The following CNTN4 variants were observed in gnomAD, a reference collection of about 807,000 sequenced individuals.
CNTN4 encodes the protein contactin-4.
A neutral mutation model predicts 122.5 loss-of-function variants in CNTN4; 77 were observed. The ratio of observed to expected loss-of-function variants is 0.63; its 90% CI spans 0.52 to 0.76. The LOEUF is 0.76. CNTN4 is among the 30% of genes least tolerant of loss of function. CNTN4 has a pLI of 0.00. For missense variants in CNTN4, 1,256 were observed against 1,259.1 expected (o/e 1.00, Z 0.04); for synonymous variants, 512 against 447.0 (o/e 1.15, Z -1.83).
At chr3:2,217,690 G>GAC (rs2038904831) in intron 2 of CNTN4, among the ~76,000 whole-genome samples, 1 of 151,498 alleles carries the variant, frequency 6.6e-6, no homozygotes, top group South Asian at 2.1e-4. Flanking sequence ...TAAAGAGAGA[G>GAC]AGAAAAAAAT....
At chr3:3,011,053 T>A (rs941964143) in intron 14 of CNTN4, among the ~76,000 whole-genome samples, 1 of 152,196 alleles carries the variant, frequency 6.6e-6, no homozygotes, top group South Asian at 2.1e-4. Context: ...AGGTAAGCAA[T>A]CTTGCACTGT....
intron 6 of CNTN4, among the ~76,000 whole-genome samples, chr3:2,802,658 C>T (rs528612122): frequency 6.6e-6 from 1 of 152,236 alleles, no homozygotes; most frequent in South Asian, 2.1e-4. Context: ...ACCAGAGACT[C>T]GCAGAAACCT....
chr3:3,016,276 C>CA (rs1236130625), intron 14 of CNTN4, among the ~76,000 whole-genome samples: 4 of 152,018 alleles, frequency 2.6e-5, no homozygotes, highest in African/African-American at 7.2e-5. Context: ...AAGAAAGCTT[C>CA]AAAAAGAAAA....
chr3:2,292,165 A>G (rs2042158695), intron 2 of CNTN4, among the ~76,000 whole-genome samples: 1 of 152,192 alleles, frequency 6.6e-6, no homozygotes, highest in East Asian at 1.9e-4. Flanking sequence ...TGTCACTTCT[A>G]CGGCACTTAT....
intron 4 of CNTN4, among the ~76,000 whole-genome samples, chr3:2,591,300 G>T (rs1295874861): frequency 1.3e-5 from 2 of 149,858 alleles, no homozygotes; most frequent in African/African-American, 2.5e-5. Flanking sequence ...CAAGTCAAGT[G>T]CTTAGATACT....
rs1256394026 is a variant in CNTN4 at position 2,745,561 on chromosome 3, T to A, written c.222T>A (p.Asp74Glu). ...LNGTDVDTGM[D>E]FRYSVVEGSL... is the part of the protein sequence containing the mutation. ...GAACAGATGTTGACACTGGTATGGA[T>A]TTCCGCTACAGTGTTGTTGAAGGGA... Residue 74 changes from aspartate to glutamate, a missense_variant, in exon 6 of 25, where the codon GAT (aspartate) becomes GAA (glutamate). Transcript: ENST00000418658. 6.2e-7 allele frequency: 1 copy of A among 1,614,176 alleles called. No individual in the cohort carries two copies. The highest frequency in any genetic ancestry group is 1.1e-5 in the South Asian group (1 of 91,088).
In CNTN4 at chr3:2,666,957, A is replaced by C. The variant is rs1005581585; in HGVS notation, c.56-69258A>C. Among the ~76,000 whole-genome samples, 3 of 152,050 alleles carry C rather than the reference A, an allele frequency of 2.0e-5. No individual in the cohort carries two copies. The East Asian group carries it at 5.8e-4, about 30-fold the overall frequency. ...ATGGCTGCGTAGTATTCCATGGTGTATATGTGCCACATTTTCTTAATCCAC... is the reference window on the plus strand; with the variant it reads ...ATGGCTGCGTAGTATTCCATGGTGTCTATGTGCCACATTTTCTTAATCCAC... On this transcript the variant is annotated intron_variant, in intron 4 of 24. Coordinates refer to ENST00000418658, the MANE Select transcript of CNTN4 (RefSeq NM_175607.3).
intron 4 of CNTN4, among the ~76,000 whole-genome samples, chr3:2,611,297 C>CAAAAAAAAAAAAAAAAAAAAAAAAAA (rs201162114): frequency 3.9e-4 from 24 of 62,324 alleles, no homozygotes; most frequent in Non-Finnish European, 4.5e-4. Context: ...CACCTGGAAC[C>CAAAAAAAAAAAAAAAAAAAAAAAAAA]AAAAAAAAAA....
At chr3:2,117,190 G>C (rs185877229) in intron 2 of CNTN4, among the ~76,000 whole-genome samples, 1 of 152,182 alleles carries the variant, frequency 6.6e-6, no homozygotes, top group Non-Finnish European at 1.5e-5. Context: ...CTATAAATTG[G>C]TGTTCCCGCA....
intron 2 of CNTN4, among the ~76,000 whole-genome samples, chr3:2,113,876 G>T (rs1328139474): frequency 1.3e-5 from 2 of 152,142 alleles, no homozygotes; most frequent in Non-Finnish European, 2.9e-5. Context: ...TGAAGATCGA[G>T]AACCCCAAGT....
chr3:2,617,740 T>A (rs2081827843), intron 4 of CNTN4, among the ~76,000 whole-genome samples: 3 of 152,124 alleles, frequency 2.0e-5, no homozygotes, highest in Non-Finnish European at 2.9e-5. Context: ...GCCCTTTTTT[T>A]AAAGGGATAG....
intron 3 of CNTN4, among the ~76,000 whole-genome samples, chr3:2,357,416 G>T (rs1054029080): frequency 2.0e-5 from 3 of 152,094 alleles, no homozygotes; most frequent in African/African-American, 7.2e-5. Context: ...TTATTATGTC[G>T]ATTCCATGCT....
At position 2,122,996 on chromosome 3, in the gene CNTN4, G is replaced by A. The variant is rs899296106; in HGVS notation, c.-145+22357G>A. ...GGGTACTGTCGGTGAGACTTGGCATGACTGGACGAGCCATTCTGATCTTTG... is the reference window on the plus strand; with the variant it reads ...GGGTACTGTCGGTGAGACTTGGCATAACTGGACGAGCCATTCTGATCTTTG... On this transcript the variant is annotated intron_variant, in intron 2 of 24. Coordinates refer to ENST00000418658, the MANE Select transcript of CNTN4 (RefSeq NM_175607.3). 1.4e-4 allele frequency among the ~76,000 whole-genome samples: 22 copies of A among 152,264 alleles called. No individual in the cohort carries two copies. In the South Asian group the frequency reaches 1.7e-3, roughly 11 times the overall value.
rs373540559 is a variant in CNTN4 at position 2,961,936 on chromosome 3, T to C, written c.1359-26409T>C. Among the ~76,000 whole-genome samples the C allele has an allele frequency of 8.5e-5, 13 of 152,366 alleles. 1 individual carries two copies. The highest frequency in any genetic ancestry group is 2.6e-4 in the African/African-American group (11 of 41,582). Reference sequence around the variant, plus strand: ...TGTTCCTGCTTTCAGTGGCACTTCCTATAAAAATCCATTGCCTTTTCCTTC... The same window carrying C: ...TGTTCCTGCTTTCAGTGGCACTTCCCATAAAAATCCATTGCCTTTTCCTTC... On this transcript the variant is annotated intron_variant, in intron 13 of 24. Coordinates refer to ENST00000418658, the MANE Select transcript of CNTN4 (RefSeq NM_175607.3).
chr3:2,714,603 A>T (rs563796796), intron 4 of CNTN4, among the ~76,000 whole-genome samples: 1 of 152,280 alleles, frequency 6.6e-6, no homozygotes, highest in South Asian at 2.1e-4. Context: ...AAGACAAGGC[A>T]ATTATAGGCA....
At chr3:2,725,047 A>G (rs1013600372) in intron 4 of CNTN4, among the ~76,000 whole-genome samples, 5 of 152,168 alleles carry the variant, frequency 3.3e-5, no homozygotes, top group African/African-American at 1.2e-4. Context: ...GATCATTTAT[A>G]CCTCCTATTA....
chr3:3,035,213 TG>T (rs1699497499), intron 17 of CNTN4, among the ~76,000 whole-genome samples: 3 of 145,618 alleles, frequency 2.1e-5, no homozygotes, highest in Non-Finnish European at 4.5e-5. Context: ...GAGGCTGAGG[TG>T]GGAGGATTGC....
intron 2 of CNTN4, among the ~76,000 whole-genome samples, chr3:2,302,532 A>T (rs926346518): frequency 6.6e-6 from 1 of 152,232 alleles, no homozygotes; most frequent in African/African-American, 2.4e-5. Context: ...GCTAACTGGT[A>T]TATATTAACT....
In CNTN4 at chr3:3,030,882, C is replaced by T. The variant is rs750544508; in HGVS notation, c.1690C>T (p.Arg564Ter). The stretch of plus-strand genomic sequence containing the variant: ...GGATTCAGCTGGTGATTTGATGATC[C>T]GAAACATCCAACTGAAGCATGCTGG... Reference protein sequence around the residue: ...GQDSAGDLMIRNIQLKHAGKY... With the variant: ...GQDSAGDLMI The change falls in exon 16 of 25, where the codon CGA becomes TGA. Residue 564 changes from arginine (R) to a stop codon, truncating the protein, a stop_gained. Coordinates refer to ENST00000418658, the MANE Select transcript of CNTN4 (RefSeq NM_175607.3). LOFTEE classifies it high-confidence loss of function. 8.1e-6 allele frequency: 13 copies of T among 1,613,848 alleles called. No homozygotes were observed. Among genetic ancestry groups the T allele is most frequent in the South Asian group, 2.2e-5 (2 of 91,074 alleles).
Sources: allele counts gnomAD v4.1 joint callset (sites outside exome capture counted in the v4.1 genomes callset), GRCh38; gene constraint gnomAD v4.1.1; transcripts MANE v1.5; gene names NCBI Gene and HGNC (gene_info 2026-07-23, HGNC 2026-07-21).